GLB1L2: variants seen among roughly 807,000 people sequenced by gnomAD.
The protein encoded by GLB1L2 is galactosidase beta 1 like 2.
GLB1L2 carries 68 observed loss-of-function variants against 84.1 expected under a neutral mutation model. The ratio of observed to expected loss-of-function variants is 0.81; its 90% CI spans 0.67 to 0.99. The LOEUF (loss-of-function observed/expected upper bound fraction) is 0.99. Ranked by LOEUF, GLB1L2 falls within the 50% of genes least tolerant of loss-of-function variation. The pLI is 0.00. For synonymous variants in GLB1L2, 290 were observed against 318.0 expected (o/e 0.91, Z 0.94); for missense variants, 762 against 805.6 (o/e 0.95, Z 0.66).
chr11:134,343,668 G>T (rs111950132), intron 2 of GLB1L2, among the ~76,000 whole-genome samples: 23 of 152,256 alleles, frequency 1.5e-4, no homozygotes, highest in African/African-American at 5.5e-4. Context: ...GAAACCTGCC[G>T]AGCCTTGACA....
intron 8 of GLB1L2, 131 bp downstream of exon 8, chr11:134,364,529 G>T: frequency 1.4e-6 from 1 of 722,980 alleles, no homozygotes; most frequent in Non-Finnish European, 2.3e-6. Flanking sequence ...CTGGCCCCCC[G>T]CCCATGCCAC....
intron 8 of GLB1L2, among the ~76,000 whole-genome samples, chr11:134,365,990 C>T (rs933746709): frequency 1.3e-5 from 2 of 152,222 alleles, no homozygotes. Context: ...TCCCAATAGT[C>T]ATATGAGCCA....
chr11:134,375,298 C>G lies in GLB1L2; in HGVS notation c.*240C>G, dbSNP rs749288945. 4.2e-6 allele frequency: 2 copies of G among 480,070 alleles called. No homozygotes were observed. Among genetic ancestry groups the G allele is most frequent in the African/African-American group, 4.0e-5 (2 of 50,396 alleles). 29.7% of individuals were successfully genotyped at this position (480,070 alleles called of 1,614,324 possible). On this transcript the variant is annotated 3_prime_UTR_variant, in exon 19 of 19. Coordinates refer to ENST00000535456, the MANE Select transcript of GLB1L2 (RefSeq NM_001370461.1). ...CTTTCCTACAGCCCTGCTCTTGTGCCGAGGCTGTCGGGCTGTCTCTAGGGT... is the reference window on the plus strand; with the variant it reads ...CTTTCCTACAGCCCTGCTCTTGTGCGGAGGCTGTCGGGCTGTCTCTAGGGT...
At chr11:134,365,210 T>A (rs1185687630) in intron 8 of GLB1L2, 1 of 152,314 alleles carries the variant, frequency 6.6e-6, no homozygotes, top group Non-Finnish European at 1.5e-5. Context: ...CACAGCCGTG[T>A]GGGGCCGTGT....
At chr11:134,374,795 G>A (rs1944004450) in intron 18 of GLB1L2, 77 bp downstream of exon 18, 1 of 1,274,580 alleles carries the variant, frequency 7.8e-7, no homozygotes, top group Non-Finnish European at 1.1e-6. Flanking sequence ...CGGTCAGGGT[G>A]GAGGGGCGTG....
chr11:134,373,368 C>T (rs1264421909), intron 15 of GLB1L2, among the ~76,000 whole-genome samples: 1 of 152,204 alleles, frequency 6.6e-6, no homozygotes, highest in Non-Finnish European at 1.5e-5. Flanking sequence ...GCTTGGGCCC[C>T]ACTGAAACTG....
In GLB1L2 at chr11:134,347,308, C is replaced by T. The variant is rs1943565651; in HGVS notation, c.450-17C>T. ...TGTGACACTAACATCCTTCCTTTCC[C>T]CCGTTTACACTTCAAGCTGGCTACT... is the stretch of plus-strand genomic sequence containing the variant. On this transcript the variant is annotated splice_polypyrimidine_tract_variant and intron_variant, in intron 4 of 18. Transcript: ENST00000535456. 1 of 1,592,702 alleles carries T rather than the reference C, an allele frequency of 6.3e-7. No individual in the cohort carries two copies. Among genetic ancestry groups the T allele is most frequent in the Non-Finnish European group, 8.6e-7 (1 of 1,160,468 alleles).
chr11:134,349,356 G>A (rs536753423), intron 5 of GLB1L2, among the ~76,000 whole-genome samples: 2 of 152,304 alleles, frequency 1.3e-5, no homozygotes, highest in South Asian at 4.1e-4. Context: ...GAACGTTTGA[G>A]TTGCTTCTGC....
In GLB1L2 at chr11:134,347,432, A is replaced by G; in HGVS notation, c.557A>G (p.Gln186Arg). 1 of 1,600,774 alleles carries G rather than the reference A, an allele frequency of 6.2e-7. No homozygotes were observed. ...DHLMSRVVPL[Q>R]YKRGGPIIAV... is the part of the protein sequence containing the mutation. ...CTGATGTCCAGGGTGGTGCCACTCC[A>G]GGTACAAGCAAATGGGGTCTTCTTT... is the stretch of plus-strand genomic sequence containing the variant. Residue 186 changes from glutamine (Q) to arginine (R), a missense_variant and splice_region_variant, in exon 5 of 19, where the codon CAG becomes CGG. Transcript: ENST00000535456.
Position 134,359,070 on chromosome 11 carries a change from A to G in GLB1L2, c.662A>G (p.Asp221Gly). 2.5e-6 allele frequency: 4 copies of G among 1,600,982 alleles called. No homozygotes were observed. Among genetic ancestry groups the G allele is most frequent in the Non-Finnish European group, 3.4e-6 (4 of 1,173,334 alleles). Residue 221 changes from aspartate to glycine, a missense_variant, in exon 7 of 19, where the codon GAC becomes GGC. Around this residue, in one of 3 missense-constraint regions of GLB1L2, gnomAD observed 603 missense variants for 611.7 expected, o/e 0.99. Coordinates refer to ENST00000535456, the MANE Select transcript of GLB1L2 (RefSeq NM_001370461.1). ...TCATTTCCCCCACAGGCACTGGAGG[A>G]CCGTGGCATTGTGGAACTGCTCCTG... ...YMPYVKKALE[D>G]RGIVELLLTS...
intron 5 of GLB1L2, among the ~76,000 whole-genome samples, chr11:134,349,543 A>T (rs892109355): frequency 2.0e-5 from 3 of 152,304 alleles, no homozygotes; most frequent in African/African-American, 7.2e-5. Flanking sequence ...AGTTGCACCA[A>T]ATTACATTCC....
chr11:134,361,993 C>G (rs1394311370), intron 7 of GLB1L2, among the ~76,000 whole-genome samples: 1 of 152,218 alleles, frequency 6.6e-6, no homozygotes, highest in Non-Finnish European at 1.5e-5. Context: ...CCCAGTTACG[C>G]TCACCATGGT....
At position 134,375,644 on chromosome 11, in the gene GLB1L2, C is replaced by T. The variant is rs1434019468; in HGVS notation, c.*586C>T. On this transcript the variant is annotated 3_prime_UTR_variant, in exon 19 of 19. Transcript: ENST00000535456. ...GACTTCCCCTTTCCCTTCCCACTCG[C>T]TGCTTCCCACAGGGTGACAGGCTGG... 1 of 152,512 alleles carries T rather than the reference C, an allele frequency of 6.6e-6. No individual in the cohort carries two copies. The highest frequency in any genetic ancestry group is 1.5e-5 in the Non-Finnish European group (1 of 68,238). The allele number at this position is 152,512 out of a possible 1,614,324, so 9.4% of individuals were successfully genotyped here.
chr11:134,334,568 C>T lies in GLB1L2; in HGVS notation c.86+2421C>T, dbSNP rs1000072890. Among the ~76,000 whole-genome samples, 2 of 152,060 alleles carry T rather than the reference C, an allele frequency of 1.3e-5. No individual in the cohort carries two copies. Among genetic ancestry groups the T allele is most frequent in the Non-Finnish European group, 2.9e-5 (2 of 68,024 alleles). ...AGCTTTGACACATATCTAAATCCAG[C>T]TGTGAATCTATCACCACAGTTAAGA... On this transcript the variant is annotated intron_variant, in intron 1 of 18. Coordinates refer to ENST00000535456, the MANE Select transcript of GLB1L2 (RefSeq NM_001370461.1). The surrounding 1 kb of genome is among the most constrained non-coding windows in gnomAD (Gnocchi z 4.1).
chr11:134,344,331 G>A, intron 2 of GLB1L2, 56 bp from the exon 3 acceptor site: 3 of 1,595,096 alleles, frequency 1.9e-6, no homozygotes, highest in Middle Eastern at 1.7e-4. Context: ...GGTAATGTGA[G>A]AGGTGAAATG....
At chr11:134,367,008 G>A in intron 8 of GLB1L2, 1 of 542,586 alleles carries the variant, frequency 1.8e-6, no homozygotes. Flanking sequence ...AAACCATCAG[G>A]GTTTGCCATA....
Position 134,369,841 on chromosome 11 carries a change from C to CG in GLB1L2, c.1066dup (p.Ala356GlyfsTer23). The stretch of plus-strand genomic sequence containing the variant: ...GTGCTGACAGAAGCCGGCGATTACA[C>CG]GGCCAAGTACATGAAGCTTCGAGAC... On this transcript the variant is annotated frameshift_variant, in exon 11 of 19. Coordinates refer to ENST00000535456, the MANE Select transcript of GLB1L2 (RefSeq NM_001370461.1). LOFTEE classifies it high-confidence loss of function. 6.2e-7 allele frequency: 1 copy of CG among 1,613,464 alleles called. No individual in the cohort carries two copies. The highest frequency in any genetic ancestry group is 8.5e-7 in the Non-Finnish European group (1 of 1,179,426).
chr11:134,347,579 G>A (rs1472278905), intron 5 of GLB1L2, 146 bp downstream of exon 5: 3 of 637,206 alleles, frequency 4.7e-6, no homozygotes, highest in South Asian at 1.9e-5. Context: ...CGTAACTGAG[G>A]GGCTTGCAAG....
At chr11:134,343,416 C>G (rs1943499879) in intron 2 of GLB1L2, among the ~76,000 whole-genome samples, 1 of 152,160 alleles carries the variant, frequency 6.6e-6, no homozygotes, top group Admixed American at 6.5e-5. Context: ...TAGGCACGCA[C>G]TAAAATGTCG....
Sources: allele counts gnomAD v4.1 joint callset (sites outside exome capture counted in the v4.1 genomes callset), GRCh38; gene constraint gnomAD v4.1.1; regional missense constraint gnomAD v4.1.1; non-coding constraint Gnocchi (gnomAD v3.1); transcripts MANE v1.5; gene names NCBI Gene and HGNC (gene_info 2026-07-23, HGNC 2026-07-21).